ANP32E: variants seen among roughly 807,000 people sequenced by gnomAD.
The protein encoded by ANP32E is acidic leucine-rich nuclear phosphoprotein 32 family member E.
A neutral mutation model predicts 35.3 loss-of-function variants in ANP32E; 14 were observed. That is an observed-to-expected ratio of 0.40 (90% confidence interval 0.26 to 0.62). ANP32E has a LOEUF of 0.62. ANP32E is among the 20% of genes least tolerant of loss of function. ANP32E has a pLI of 0.45. For missense variants in ANP32E, 198 were observed against 304.4 expected, an observed-to-expected ratio of 0.65 and a Z score of 2.60; for synonymous variants, 89 against 110.4, an observed-to-expected ratio of 0.81 and a Z score of 1.22.
At chr1:150,229,298 CTTTTT>C (rs368884324) in intron 3 of ANP32E, 61 bp from the exon 4 acceptor site, 87 of 431,484 alleles carry the variant, frequency 2.0e-4, no homozygotes, top group Middle Eastern at 1.6e-3. Context: ...TTTCTTTTTT[CTTTTT>C]TTTTTTTTTT....
At chr1:150,221,273 T>C (rs1246516913) in intron 6 of ANP32E, among the ~76,000 whole-genome samples, 2 of 150,808 alleles carry the variant, frequency 1.3e-5, no homozygotes, top group Non-Finnish European at 3.0e-5. Context: ...CCCCCATCTC[T>C]ACTAAAAATA....
In ANP32E at chr1:150,221,115, C is replaced by CAAAAAAA. The variant is rs34843209; in HGVS notation, c.737-361_737-355dup. Reference sequence around the variant, plus strand: ...GGGCAACCGAGCAAAACTTTGTCTCCAAAAAAAAAAAAAAAAAAACGTTAA... The same window carrying CAAAAAAA: ...GGGCAACCGAGCAAAACTTTGTCTCCAAAAAAAAAAAAAAAAAAAAAAAAAACGTTAA... On this transcript the variant is annotated intron_variant, in intron 6 of 6. Transcript: ENST00000583931. 1.3e-4 allele frequency among the ~76,000 whole-genome samples: 9 copies of CAAAAAAA among 68,880 alleles called. 1 individual carries two copies. The highest frequency in any genetic ancestry group is 2.2e-4 in the Admixed American group (1 of 4,596). 45.2% of individuals were successfully genotyped at this position (68,880 alleles called of 152,430 possible).
At chr1:150,232,311 T>C (rs1572030814) in intron 1 of ANP32E, among the ~76,000 whole-genome samples, 1 of 113,928 alleles carries the variant, frequency 8.8e-6, no homozygotes, top group Non-Finnish European at 1.7e-5. Context: ...GCCACTGCAC[T>C]CCAGCCTGGG....
In ANP32E at chr1:150,236,059, C is replaced by T; in HGVS notation, c.-273G>A. ...GCACGCGCGCACACACATACACACACACATACACACACACACCCGCAGTTC... is the reference window on the plus strand; with the variant it reads ...GCACGCGCGCACACACATACACACATACATACACACACACACCCGCAGTTC... On this transcript the variant is annotated 5_prime_UTR_variant, in exon 1 of 7. The change creates a new upstream start codon in the 5' untranslated region. Coordinates refer to ENST00000583931, the MANE Select transcript of ANP32E (RefSeq NM_030920.5). The T allele has an allele frequency of 2.4e-6, 1 of 416,982 alleles. No individual in the cohort carries two copies. Among genetic ancestry groups the T allele is most frequent in the East Asian group, 4.4e-5 (1 of 22,584 alleles). The allele number at this position is 416,982 out of a possible 1,614,324, so 25.8% of individuals were successfully genotyped here.
intron 1 of ANP32E, chr1:150,234,769 G>C: frequency 1.3e-6 from 1 of 742,560 alleles, no homozygotes; most frequent in Non-Finnish European, 1.6e-6. Context: ...CTGGGTAGGT[G>C]AGGCCGAGAA....
Position 150,235,968 on chromosome 1 carries a change from G to T in ANP32E, c.-182C>A, listed in dbSNP as rs1176754980. The T allele has an allele frequency of 1.7e-6, 1 of 598,148 alleles. No individual in the cohort carries two copies. 37.1% of individuals were successfully genotyped at this position (598,148 alleles called of 1,614,324 possible). A position where few individuals can be genotyped will look rare whatever the true frequency, so the allele number is the denominator to read the frequency against. ...AGAGAATAGCAAATGGAGTCCAAGA[G>T]TTGGGACTCTAACTCAGCTGCCCCC... On this transcript the variant is annotated 5_prime_UTR_variant, in exon 1 of 7. Transcript: ENST00000583931. This position sits in a 1 kb window ranked among gnomAD's most constrained non-coding sequence, Gnocchi z 4.2.
At chr1:150,226,944 T>A (rs997842986) in intron 4 of ANP32E, 149 bp from the exon 5 acceptor site, 1 of 1,163,596 alleles carries the variant, frequency 8.6e-7, no homozygotes, top group Non-Finnish European at 1.2e-6. Context: ...TTTTTAAGAT[T>A]TCTGTTTCAC....
Position 150,235,609 on chromosome 1 carries a change from C to T in ANP32E, c.54+124G>A. 1 of 1,048,836 alleles carries T rather than the reference C, an allele frequency of 9.5e-7. No homozygotes were observed. Among genetic ancestry groups the T allele is most frequent in the Non-Finnish European group, 1.4e-6 (1 of 710,754 alleles). The allele number at this position is 1,048,836 out of a possible 1,614,324, so 65.0% of individuals were successfully genotyped here. A position where few individuals can be genotyped will look rare whatever the true frequency, so the allele number is the denominator to read the frequency against. The stretch of plus-strand genomic sequence containing the variant: ...ACTTAAAATTAAACATTTCCCCAAC[C>T]CTAACCCGGGGGGATGGGGGCTAAC... On this transcript the variant is annotated intron_variant, in intron 1 of 6. Transcript: ENST00000583931. This position sits in a 1 kb window ranked among gnomAD's most constrained non-coding sequence, Gnocchi z 4.2.
At position 150,230,652 on chromosome 1, in the gene ANP32E, G is replaced by A; in HGVS notation, c.246C>T (p.Val82=). Residue 82 remains valine (V), a synonymous_variant, in exon 3 of 7, where the codon GTC becomes GTT. Transcript: ENST00000583931. ...TAAGATTTGGACATTTCTCTGCCAG[G>A]ACTTCCAAGCCTCCAGAAATTATAT... ...SDNIISGGLE[V]LAEKCPNLTY... 3 of 1,613,176 alleles carry A rather than the reference G, an allele frequency of 1.9e-6. No homozygotes were observed. Among genetic ancestry groups the A allele is most frequent in the Non-Finnish European group, 2.5e-6 (3 of 1,179,638 alleles).
At chr1:150,228,254 T>TCAAACAA (rs1484928298) in intron 4 of ANP32E, among the ~76,000 whole-genome samples, 1 of 152,006 alleles carries the variant, frequency 6.6e-6, no homozygotes, top group Non-Finnish European at 1.5e-5. Context: ...ATAAATGAAG[T>TCAAACAA]CAAACAACAC....
chr1:150,232,937 C>T (rs1362014338), intron 1 of ANP32E, among the ~76,000 whole-genome samples: 1 of 152,078 alleles, frequency 6.6e-6, no homozygotes, highest in Non-Finnish European at 1.5e-5. Context: ...AGTACCTGAG[C>T]TACCAGGAAA....
At position 150,235,688 on chromosome 1, in the gene ANP32E, G is replaced by A; in HGVS notation, c.54+45C>T. 1 of 1,611,198 alleles carries A rather than the reference G, an allele frequency of 6.2e-7. No individual in the cohort carries two copies. The highest frequency in any genetic ancestry group is 8.5e-7 in the Non-Finnish European group (1 of 1,178,566). ...AGGACCACCAGAAATCCGATCCTCA[G>A]AATACTGGACTGATGGGGAAGCGGT... On this transcript the variant is annotated intron_variant, in intron 1 of 6. Coordinates refer to ENST00000583931, the MANE Select transcript of ANP32E (RefSeq NM_030920.5). This position sits in a 1 kb window ranked among gnomAD's most constrained non-coding sequence, Gnocchi z 4.2.
At chr1:150,231,084 C>T (rs1334150841) in intron 2 of ANP32E, among the ~76,000 whole-genome samples, 2 of 151,894 alleles carry the variant, frequency 1.3e-5, no homozygotes, top group Non-Finnish European at 2.9e-5. Context: ...AGAAAAAAAA[C>T]TGTCATTCTC....
chr1:150,223,182 T>G lies in ANP32E; in HGVS notation c.736+4A>C. The G allele has an allele frequency of 6.6e-7, 1 of 1,510,570 alleles. No homozygotes were observed. The highest frequency in any genetic ancestry group is 9.0e-7 in the Non-Finnish European group (1 of 1,109,618). 93.6% of individuals were successfully genotyped at this position (1,510,570 alleles called of 1,614,324 possible). A position where few individuals can be genotyped will look rare whatever the true frequency, so the allele number is the denominator to read the frequency against. ...ATAATTTGTTTATGGCTAATGTAAC[T>G]CACCCTCTTCTTCCTCTTCTTCCCC... On this transcript the variant is annotated splice_donor_region_variant and intron_variant, in intron 6 of 6. Coordinates refer to ENST00000583931, the MANE Select transcript of ANP32E (RefSeq NM_030920.5).
At chr1:150,220,904 G>A (rs1230024147) in intron 6 of ANP32E, 143 bp from the exon 7 acceptor site, 3 of 658,258 alleles carry the variant, frequency 4.6e-6, no homozygotes, top group Non-Finnish European at 8.1e-6. Flanking sequence ...GGAGGCTGAG[G>A]TGGATGGATC....
intron 6 of ANP32E, 102 bp downstream of exon 6, chr1:150,223,084 T>A (rs1362508857): frequency 1.1e-5 from 15 of 1,334,836 alleles, no homozygotes; most frequent in Non-Finnish European, 1.5e-5. Context: ...AAAATTGGCA[T>A]TATAGGCTCA....
intron 6 of ANP32E, among the ~76,000 whole-genome samples, chr1:150,221,115 C>CAAAAAAAAAAAAA (rs34843209): frequency 1.5e-5 from 1 of 68,916 alleles, no homozygotes; most frequent in Non-Finnish European, 2.5e-5. Context: ...ACTTTGTCTC[C>CAAAAAAAAAAAAA]AAAAAAAAAA....
At chr1:150,223,376 T>C in intron 5 of ANP32E, 136 bp from the exon 6 acceptor site, 1 of 1,243,038 alleles carries the variant, frequency 8.0e-7, no homozygotes, top group Non-Finnish European at 1.1e-6. Flanking sequence ...CTTATAAAGG[T>C]CCTTTTTAAA....
chr1:150,219,989 A>C lies in ANP32E; in HGVS notation c.*702T>G, dbSNP rs1648205364. ...CAACCATCGGCATGTCATGATTTGCAGCCTGACAAAAGGGCTCACCTGCAT... is the reference window on the plus strand; with the variant it reads ...CAACCATCGGCATGTCATGATTTGCCGCCTGACAAAAGGGCTCACCTGCAT... On this transcript the variant is annotated 3_prime_UTR_variant, in exon 7 of 7. Transcript: ENST00000583931. 6.6e-6 allele frequency: 1 copy of C among 152,184 alleles called. No homozygotes were observed. 9.4% of individuals were successfully genotyped at this position (152,184 alleles called of 1,614,324 possible). A position where few individuals can be genotyped will look rare whatever the true frequency, so the allele number is the denominator to read the frequency against.
Sources: gnomAD v4.1 joint callset for allele counts (sites outside exome capture counted in the v4.1 genomes callset) on GRCh38, gnomAD v4.1.1 for gene constraint, Gnocchi (gnomAD v3.1) non-coding constraint, MANE v1.5 for transcripts, NCBI Gene and HGNC (gene_info 2026-07-23, HGNC 2026-07-21) for gene names.